CREB5: variants seen among roughly 807,000 people sequenced by gnomAD.
The protein encoded by CREB5 is cAMP responsive element binding protein 5, also known as cyclic AMP-responsive element-binding protein 5.
In CREB5, 19 loss-of-function variants were observed where a neutral mutation model predicts 57.1. The observed-to-expected ratio is 0.33, with a 90% CI of 0.23 to 0.49. CREB5 has a LOEUF of 0.49. Ranked by LOEUF, CREB5 falls within the 20% of genes least tolerant of loss-of-function variation. The probability of loss-of-function intolerance (pLI) is 0.99; values close to 1 mark genes in which losing one functional copy is unlikely to be tolerated. For synonymous variants in CREB5, 238 were observed against 238.3 expected (o/e 1.00, Z 0.01); for missense variants, 579 against 671.6 (o/e 0.86, Z 1.52).
intron 5 of CREB5, among the ~76,000 whole-genome samples, chr7:28,689,295 C>T (rs950464487): frequency 6.6e-5 from 10 of 152,028 alleles, no homozygotes; most frequent in South Asian, 2.1e-4. Flanking sequence ...GGTGAAACCC[C>T]GTCTCTACTA....
chr7:28,601,174 T>C (rs1265513681), intron 5 of CREB5, among the ~76,000 whole-genome samples: 1 of 152,080 alleles, frequency 6.6e-6, no homozygotes, highest in Non-Finnish European at 1.5e-5. Flanking sequence ...TTATTATTTT[T>C]TTTTTTGGAA....
chr7:28,727,527 A>C (rs1337720424), intron 7 of CREB5, among the ~76,000 whole-genome samples: 4 of 152,228 alleles, frequency 2.6e-5, no homozygotes, highest in African/African-American at 9.6e-5. Context: ...CATGCAGATG[A>C]TTCTGTAGTA....
intron 5 of CREB5, among the ~76,000 whole-genome samples, chr7:28,683,510 C>T (rs895097029): frequency 6.6e-5 from 10 of 152,118 alleles, no homozygotes; most frequent in Non-Finnish European, 8.8e-5. Flanking sequence ...GGCTTAACGG[C>T]GTCATCATCA....
intron 7 of CREB5, among the ~76,000 whole-genome samples, chr7:28,748,492 A>C (rs895267878): frequency 6.6e-6 from 1 of 152,256 alleles, no homozygotes; most frequent in African/African-American, 2.4e-5. Context: ...GAATGTGTCC[A>C]AGCCAAGGAC....
At chr7:28,708,421 T>G (rs1802236246) in intron 5 of CREB5, among the ~76,000 whole-genome samples, 1 of 152,054 alleles carries the variant, frequency 6.6e-6, no homozygotes, top group African/African-American at 2.4e-5. Context: ...AGCGAGTGGC[T>G]GGGTGGAGGG....
At chr7:28,565,355 A>G (rs760517684) in intron 4 of CREB5, among the ~76,000 whole-genome samples, 3 of 152,146 alleles carry the variant, frequency 2.0e-5, no homozygotes, top group East Asian at 1.9e-4. Flanking sequence ...AAATCTCTAC[A>G]TATTGGTAAA....
At chr7:28,752,342 G>T (rs12700902) in intron 7 of CREB5, among the ~76,000 whole-genome samples, 43,070 of 151,874 alleles carry the variant, frequency 0.28, 6,398 homozygotes, top group South Asian at 0.35. Context: ...AATTTTTATA[G>T]TTTTAGTAGA....
At chr7:28,595,081 C>G (rs1018699333) in intron 5 of CREB5, among the ~76,000 whole-genome samples, 1 of 152,326 alleles carries the variant, frequency 6.6e-6, no homozygotes. Context: ...GTGTTTTCCT[C>G]TATGCCTGCT....
At chr7:28,696,510 T>C (rs759544626) in intron 5 of CREB5, among the ~76,000 whole-genome samples, 1 of 152,176 alleles carries the variant, frequency 6.6e-6, no homozygotes, top group Non-Finnish European at 1.5e-5. Flanking sequence ...AGAAGGATCT[T>C]ATAGGGTTTT....
At chr7:28,596,855 T>G (rs1308738674) in intron 5 of CREB5, among the ~76,000 whole-genome samples, 1 of 152,210 alleles carries the variant, frequency 6.6e-6, no homozygotes, top group African/African-American at 2.4e-5. Flanking sequence ...CTATTATTAT[T>G]AGCACATAAT....
intron 1 of CREB5, among the ~76,000 whole-genome samples, chr7:28,462,089 C>A (rs572774786): frequency 2.0e-5 from 3 of 152,070 alleles, no homozygotes; most frequent in African/African-American, 7.2e-5. Context: ...CCCCTCATAG[C>A]CCCCGGTAAC....
rs1331612876 is a variant in CREB5 at position 28,599,628 on chromosome 7, T to G, written c.464+29091T>G. Among the ~76,000 whole-genome samples the G allele has an allele frequency of 2.0e-5, 3 of 152,364 alleles. No individual in the cohort carries two copies. The East Asian group carries it at 5.8e-4, about 29-fold the overall frequency. ...CCTATGTGTATAATAAAGACACGCA[T>G]AGCTCTGCACTGCTGCAAATTAGTA... On this transcript the variant is annotated intron_variant, in intron 5 of 10. Coordinates refer to ENST00000357727, the MANE Select transcript of CREB5 (RefSeq NM_182898.4).
rs1203702491 is a variant in CREB5, at chr7:28,507,752, A to G, written c.291+15A>G. On this transcript the variant is annotated intron_variant, in intron 4 of 10. Coordinates refer to ENST00000357727, the MANE Select transcript of CREB5 (RefSeq NM_182898.4). Reference sequence around the variant, plus strand: ...GCAGCAAGCGGGTAGGTTTGCTTGGATGGCCGCCTTGAGAGGTGTCCTGCT... The same window carrying G: ...GCAGCAAGCGGGTAGGTTTGCTTGGGTGGCCGCCTTGAGAGGTGTCCTGCT... 24 of 1,590,072 alleles carry G rather than the reference A, an allele frequency of 1.5e-5. No homozygotes were observed. Among genetic ancestry groups the G allele is most frequent in the Non-Finnish European group, 2.1e-5 (24 of 1,162,166 alleles).
intron 5 of CREB5, among the ~76,000 whole-genome samples, chr7:28,711,213 G>T (rs1163345089): frequency 6.6e-6 from 1 of 152,098 alleles, no homozygotes; most frequent in Non-Finnish European, 1.5e-5. Context: ...TAGGGAAGAG[G>T]CAGAGAATAG....
At chr7:28,300,516 G>A (rs960684000) in intron 1 of CREB5, among the ~76,000 whole-genome samples, 2 of 152,062 alleles carry the variant, frequency 1.3e-5, no homozygotes, top group African/African-American at 4.8e-5. Context: ...AGTACCTGTG[G>A]GGACAAAGGT....
chr7:28,446,518 C>T (rs1277613434), intron 1 of CREB5, among the ~76,000 whole-genome samples: 8 of 152,232 alleles, frequency 5.3e-5, no homozygotes, highest in Non-Finnish European at 1.0e-4. Context: ...TAGGTCCGGG[C>T]GTGGTGGCTC....
intron 1 of CREB5, among the ~76,000 whole-genome samples, chr7:28,367,663 C>A (rs1177880340): frequency 6.6e-6 from 1 of 152,086 alleles, no homozygotes; most frequent in Non-Finnish European, 1.5e-5. Flanking sequence ...CAAAAATTAG[C>A]CAGGCGTGGC....
intron 7 of CREB5, among the ~76,000 whole-genome samples, chr7:28,788,245 CCCT>C (rs1807451157): frequency 6.6e-6 from 1 of 152,060 alleles, no homozygotes; most frequent in Non-Finnish European, 1.5e-5. Flanking sequence ...TATCACAGCA[CCCT>C]CCTCCTCCCC....
At chr7:28,674,940 C>G (rs1030836580) in intron 5 of CREB5, among the ~76,000 whole-genome samples, 5 of 152,196 alleles carry the variant, frequency 3.3e-5, no homozygotes, top group Non-Finnish European at 4.4e-5. Flanking sequence ...TACCGCTTTT[C>G]CCTCTCTTTC....
Sources: gnomAD v4.1 joint callset for allele counts (sites outside exome capture counted in the v4.1 genomes callset) on GRCh38, gnomAD v4.1.1 for gene constraint, MANE v1.5 for transcripts, NCBI Gene and HGNC (gene_info 2026-07-23, HGNC 2026-07-21) for gene names.